POFUT3: variants seen among roughly 807,000 people sequenced by gnomAD.
The protein encoded by POFUT3 is protein O-fucosyltransferase 3.
chr8:33,401,789 A>C, the POFUT3 span, among the ~76,000 whole-genome samples: 1 of 152,150 alleles, frequency 6.6e-6, no homozygotes, highest in Non-Finnish European at 1.5e-5. Context: ...ACACTTTGGG[A>C]GGCTGAGGCG....
chr8:33,335,446 T>C, the POFUT3 span, among the ~76,000 whole-genome samples: 1 of 152,208 alleles, frequency 6.6e-6, no homozygotes. Flanking sequence ...CTGACATGAA[T>C]GTTGGTTGAT....
At chr8:33,461,562 T>TTCCTGCAC in the POFUT3 span, 1 of 1,569,198 alleles carries the variant, frequency 6.4e-7, no homozygotes, top group Non-Finnish European at 8.6e-7. Context: ...GGGCGCCAAT[T>TTCCTGCAC]TCCTGCACTG....
At chr8:33,383,901 A>G in the POFUT3 span, among the ~76,000 whole-genome samples, 4 of 151,820 alleles carry the variant, frequency 2.6e-5, no homozygotes, top group Non-Finnish European at 2.9e-5. Flanking sequence ...AGTTTTCCCC[A>G]TCATAATCCC....
At chr8:33,421,515 G>A in the POFUT3 span, among the ~76,000 whole-genome samples, 1 of 152,068 alleles carries the variant, frequency 6.6e-6, no homozygotes, top group African/African-American at 2.4e-5. Context: ...TTAATGGGAG[G>A]GCCTTGGAAC....
the POFUT3 span, among the ~76,000 whole-genome samples, chr8:33,362,981 C>T: frequency 1.5e-3 from 221 of 152,314 alleles, 1 homozygote; most frequent in Non-Finnish European, 2.5e-3. Flanking sequence ...CTTCTCAGCA[C>T]CACATCATGC....
the POFUT3 span, among the ~76,000 whole-genome samples, chr8:33,355,902 A>G: frequency 6.6e-6 from 1 of 152,026 alleles, no homozygotes; most frequent in Non-Finnish European, 1.5e-5. Flanking sequence ...ATTCCCACCT[A>G]TGAGTAAGAA....
chr8:33,421,726 C>T, the POFUT3 span, among the ~76,000 whole-genome samples: 37 of 152,216 alleles, frequency 2.4e-4, no homozygotes, highest in African/African-American at 7.2e-4. Flanking sequence ...GTTCAGAACT[C>T]GTTTTGTTAT....
the POFUT3 span, among the ~76,000 whole-genome samples, chr8:33,404,886 A>G: frequency 1.1e-4 from 16 of 152,276 alleles, no homozygotes; most frequent in African/African-American, 3.6e-4. Context: ...TTAAAGTTTC[A>G]TCACAACAAC....
At chr8:33,447,639 G>A in the POFUT3 span, among the ~76,000 whole-genome samples, 5 of 151,242 alleles carry the variant, frequency 3.3e-5, no homozygotes, top group Non-Finnish European at 7.4e-5. Context: ...CTCCAGAAAC[G>A]TGTTTATATT....
chr8:33,346,618 T>G, the POFUT3 span, among the ~76,000 whole-genome samples: 1 of 152,242 alleles, frequency 6.6e-6, no homozygotes, highest in African/African-American at 2.4e-5. Flanking sequence ...ATTCCACATC[T>G]GTTTTTCAAT....
At chr8:33,360,378 G>A in the POFUT3 span, among the ~76,000 whole-genome samples, 29 of 151,912 alleles carry the variant, frequency 1.9e-4, no homozygotes, top group Admixed American at 7.2e-4. Flanking sequence ...CCCAGGAGGC[G>A]GAGCTTGCAG....
At chr8:33,344,897 G>C in the POFUT3 span, among the ~76,000 whole-genome samples, 1 of 152,156 alleles carries the variant, frequency 6.6e-6, no homozygotes, top group Non-Finnish European at 1.5e-5. Flanking sequence ...TGTGCCTAAA[G>C]GTAATTTCAT....
At chr8:33,379,847 ATAT>A in the POFUT3 span, among the ~76,000 whole-genome samples, 8 of 89,996 alleles carry the variant, frequency 8.9e-5, 1 homozygote, top group African/African-American at 1.7e-4. Flanking sequence ...AAAAAAAAAA[ATAT>A]ATATATATAT....
chr8:33,354,870 T>C, the POFUT3 span, among the ~76,000 whole-genome samples: 1 of 152,216 alleles, frequency 6.6e-6, no homozygotes, highest in Non-Finnish European at 1.5e-5. Context: ...GATGACATCA[T>C]ACGCTATTTT....
At chr8:33,364,679 C>A in the POFUT3 span, among the ~76,000 whole-genome samples, 61 of 152,162 alleles carry the variant, frequency 4.0e-4, 2 homozygotes, top group African/African-American at 1.3e-3. Flanking sequence ...TACAAAGAGA[C>A]TAAAATACCT....
At chr8:33,327,139 G>GGA in the POFUT3 span, among the ~76,000 whole-genome samples, 6 of 152,112 alleles carry the variant, frequency 3.9e-5, no homozygotes, top group Non-Finnish European at 7.4e-5. Context: ...GAGGTGAAGG[G>GGA]GAGCCTGCAC....
At chr8:33,459,411 A>T in the POFUT3 span, among the ~76,000 whole-genome samples, 3 of 152,016 alleles carry the variant, frequency 2.0e-5, no homozygotes, top group Non-Finnish European at 4.4e-5. Flanking sequence ...GAAGCCAGGT[A>T]GGCAGATCTC....
the POFUT3 span, among the ~76,000 whole-genome samples, chr8:33,323,839 A>T: frequency 6.6e-5 from 10 of 152,206 alleles, no homozygotes; most frequent in African/African-American, 2.4e-4. Flanking sequence ...ATTCTACATA[A>T]GATGATGTAA....
At chr8:33,420,960 A>AAT in the POFUT3 span, among the ~76,000 whole-genome samples, 1 of 151,826 alleles carries the variant, frequency 6.6e-6, no homozygotes, top group Non-Finnish European at 1.5e-5. Context: ...AAAAAGAAAA[A>AAT]ATATATATAT....
Sources: gnomAD v4.1 joint callset for allele counts (sites outside exome capture counted in the v4.1 genomes callset) on GRCh38, gnomAD v4.1.1 for gene constraint, MANE v1.5 for transcripts, NCBI Gene and HGNC (gene_info 2026-07-23, HGNC 2026-07-21) for gene names.